Variants in TMPRSS11F observed in about 807,000 individuals in gnomAD.
TMPRSS11F encodes transmembrane serine protease 11F.
TMPRSS11F carries 47 observed loss-of-function variants against 60.2 expected under a neutral mutation model. The observed-to-expected ratio is 0.78, with a 90% CI of 0.62 to 1.00. TMPRSS11F has a LOEUF of 1.00. Among genes scored for constraint, TMPRSS11F ranks in the 50% least tolerant of loss-of-function variants. TMPRSS11F has a pLI of 0.00. For synonymous variants in TMPRSS11F, 166 were observed against 167.3 expected (o/e 0.99, Z 0.06); for missense variants, 519 against 522.9 (o/e 0.99, Z 0.07).
At chr4:68,095,726 T>C (rs905598088) in intron 2 of TMPRSS11F, among the ~76,000 whole-genome samples, 5 of 151,830 alleles carry the variant, frequency 3.3e-5, no homozygotes, top group African/African-American at 9.7e-5. Context: ...TGAAACCCCA[T>C]CTCTACTAAA....
chr4:68,093,615 T>C (rs952159581), intron 2 of TMPRSS11F, among the ~76,000 whole-genome samples: 84 of 151,840 alleles, frequency 5.5e-4, no homozygotes, highest in African/African-American at 2.0e-3. Context: ...ACAGGCAACC[T>C]ACAAAATGGG....
intron 2 of TMPRSS11F, among the ~76,000 whole-genome samples, chr4:68,095,187 A>G (rs1329287299): frequency 6.6e-6 from 1 of 151,356 alleles, no homozygotes; most frequent in African/African-American, 2.4e-5. Flanking sequence ...TATATGTATA[A>G]CACATAATAT....
At chr4:68,105,936 G>A (rs534309757) in intron 1 of TMPRSS11F, among the ~76,000 whole-genome samples, 1 of 151,266 alleles carries the variant, frequency 6.6e-6, no homozygotes, top group South Asian at 2.1e-4. Context: ...TCTATAGTCT[G>A]AAGGTAAAAA....
chr4:68,073,731 T>C (rs1046234530), intron 4 of TMPRSS11F, among the ~76,000 whole-genome samples: 1 of 152,182 alleles, frequency 6.6e-6, no homozygotes, highest in Non-Finnish European at 1.5e-5. Flanking sequence ...TGTTTCCTCT[T>C]TTTGTATCCA....
rs563560588 is a variant in TMPRSS11F at position 68,113,668 on chromosome 4, A to G, written c.12-14630T>C. On this transcript the variant is annotated intron_variant, in intron 1 of 9. Coordinates refer to ENST00000356291, the MANE Select transcript of TMPRSS11F (RefSeq NM_207407.2). ...AAATACTGTTATAATGAAGAGAAGT[A>G]CACAAATCCACATTATAGTTTAAGA... Among the ~76,000 whole-genome samples the G allele has an allele frequency of 4.5e-4, 68 of 152,318 alleles. 1 individual carries two copies. Among genetic ancestry groups the G allele is most frequent in the African/African-American group, 1.6e-3 (65 of 41,576 alleles).
intron 1 of TMPRSS11F, among the ~76,000 whole-genome samples, chr4:68,127,670 C>T (rs868862766): frequency 8.6e-5 from 13 of 152,004 alleles, no homozygotes; most frequent in African/African-American, 2.9e-4. Flanking sequence ...CCATGACCCA[C>T]GGTTAGAAAT....
At chr4:68,073,905 C>G in intron 4 of TMPRSS11F, 37 bp downstream of exon 4, 1 of 1,299,352 alleles carries the variant, frequency 7.7e-7, no homozygotes, top group Middle Eastern at 1.9e-4. Flanking sequence ...CTCATCTTAA[C>G]AGTATTAACT....
intron 3 of TMPRSS11F, among the ~76,000 whole-genome samples, chr4:68,084,780 T>A (rs867662689): frequency 2.0e-5 from 3 of 150,480 alleles, no homozygotes; most frequent in East Asian, 2.0e-4. Context: ...CATGTGCACA[T>A]TGTGCAGGTT....
intron 1 of TMPRSS11F, among the ~76,000 whole-genome samples, chr4:68,120,298 G>A (rs1459604247): frequency 2.0e-5 from 3 of 151,912 alleles, no homozygotes; most frequent in Non-Finnish European, 4.4e-5. Context: ...CAGAGTTTCA[G>A]AGGACTGACT....
chr4:68,060,645 T>C (rs1006491464), intron 8 of TMPRSS11F, among the ~76,000 whole-genome samples: 9 of 149,144 alleles, frequency 6.0e-5, no homozygotes, highest in Non-Finnish European at 1.0e-4. Flanking sequence ...ATTGTAAAAA[T>C]CCTGGAGAAA....
chr4:68,095,383 C>G (rs1724051283), intron 2 of TMPRSS11F, among the ~76,000 whole-genome samples: 2 of 152,020 alleles, frequency 1.3e-5, no homozygotes, highest in African/African-American at 4.8e-5. Flanking sequence ...TTCACAATAG[C>G]AGAAAATCCA....
chr4:68,054,295 T>C (rs940931082), intron 9 of TMPRSS11F, among the ~76,000 whole-genome samples: 2 of 152,156 alleles, frequency 1.3e-5, no homozygotes, highest in African/African-American at 4.8e-5. Context: ...ACATTAATTC[T>C]GTATCAGTAT....
intron 5 of TMPRSS11F, among the ~76,000 whole-genome samples, chr4:68,070,884 T>C (rs935816086): frequency 2.6e-5 from 4 of 152,156 alleles, no homozygotes; most frequent in Non-Finnish European, 4.4e-5. Context: ...TTTAACAAAA[T>C]ACATGTATGT....
chr4:68,061,499 G>A (rs1247680861), intron 8 of TMPRSS11F, among the ~76,000 whole-genome samples: 1 of 152,152 alleles, frequency 6.6e-6, no homozygotes, highest in Non-Finnish European at 1.5e-5. Context: ...TATCACAAAT[G>A]TAAATTGAAG....
At chr4:68,125,937 G>T (rs1724705800) in intron 1 of TMPRSS11F, among the ~76,000 whole-genome samples, 1 of 152,066 alleles carries the variant, frequency 6.6e-6, no homozygotes, top group Admixed American at 6.5e-5. Flanking sequence ...ACAAAAATAG[G>T]CAGTAAAATG....
At chr4:68,056,385 C>T (rs542324431) in intron 9 of TMPRSS11F, among the ~76,000 whole-genome samples, 2 of 150,056 alleles carry the variant, frequency 1.3e-5, no homozygotes, top group African/African-American at 4.9e-5. Context: ...TAATAGTGAG[C>T]TGTCTGAAAA....
At chr4:68,099,769 T>C (rs957666141) in intron 1 of TMPRSS11F, among the ~76,000 whole-genome samples, 3 of 152,146 alleles carry the variant, frequency 2.0e-5, no homozygotes, top group Admixed American at 1.3e-4. Flanking sequence ...AAAAAGTCCA[T>C]AGAATAGGAC....
intron 1 of TMPRSS11F, among the ~76,000 whole-genome samples, chr4:68,105,024 A>T (rs1724274898): frequency 7.1e-6 from 1 of 141,254 alleles, no homozygotes; most frequent in Admixed American, 7.3e-5. Context: ...GCCTTGTAAA[A>T]TGTGTTAGAA....
intron 8 of TMPRSS11F, chr4:68,062,933 T>C (rs1371798691): frequency 2.5e-6 from 2 of 785,862 alleles, no homozygotes; most frequent in South Asian, 2.7e-5. Context: ...TGTGGCATTA[T>C]AAAGCAGGCT....
Sources: gnomAD v4.1 joint callset for allele counts (sites outside exome capture counted in the v4.1 genomes callset) on GRCh38, gnomAD v4.1.1 for gene constraint, MANE v1.5 for transcripts, NCBI Gene and HGNC (gene_info 2026-07-23, HGNC 2026-07-21) for gene names.